Variants in THOC1 observed in about 807,000 individuals in gnomAD.
THOC1 encodes THO complex subunit 1, also known as THO complex 1.
Under a neutral mutation model 97.3 loss-of-function variants are expected in THOC1, and 29 were observed. The ratio of observed to expected loss-of-function variants is 0.30; its 90% CI spans 0.22 to 0.41. The LOEUF (loss-of-function observed/expected upper bound fraction) is 0.41, where lower values mean the gene tolerates loss of function less well. Ranked by LOEUF, THOC1 falls within the 10% of genes least tolerant of loss-of-function variation. The pLI is 1.00. For synonymous variants in THOC1, 255 were observed against 257.0 expected (o/e 0.99, Z 0.07); for missense variants, 529 against 761.9 (o/e 0.69, Z 3.60).
At chr18:260,383 A>C in intron 4 of THOC1, 79 bp from the exon 5 acceptor site, 1 of 922,244 alleles carries the variant, frequency 1.1e-6, no homozygotes, top group Non-Finnish European at 1.5e-6. Context: ...ATTCTGAAGA[A>C]TATCTTAAAA....
intron 17 of THOC1, among the ~76,000 whole-genome samples, chr18:222,080 C>T (rs1161613071): frequency 6.6e-6 from 1 of 151,898 alleles, no homozygotes; most frequent in Admixed American, 6.6e-5. Flanking sequence ...TTACTTTTAC[C>T]CCTCAATTTA....
rs1420342503 is a variant in THOC1 at position 254,308 on chromosome 18, T to A, written c.568A>T (p.Asn190Tyr). Reference sequence around the variant, plus strand: ...AGGGTGCTTTCCTGCTCATTTGTATTGAAAACAGTGACATTTTCCAGATTA... The same window carrying A: ...AGGGTGCTTTCCTGCTCATTTGTATAGAAAACAGTGACATTTTCCAGATTA... Reference protein sequence around the residue: ...QFNLENVTVFNTNEQESTLGQ... With the variant: ...QFNLENVTVFYTNEQESTLGQ... The change falls in exon 8 of 21, where the codon AAT becomes TAT. Residue 190 changes from asparagine (N) to tyrosine (Y), a missense_variant. Transcript: ENST00000261600. The surrounding 1 kb of genome is among the most constrained non-coding windows in gnomAD (Gnocchi z 4.1). 1 of 1,583,518 alleles carries A rather than the reference T, an allele frequency of 6.3e-7. No homozygotes were observed. The highest frequency in any genetic ancestry group is 8.6e-7 in the Non-Finnish European group (1 of 1,163,904).
At chr18:235,808 G>A (rs906418568) in intron 11 of THOC1, among the ~76,000 whole-genome samples, 1 of 152,126 alleles carries the variant, frequency 6.6e-6, no homozygotes, top group African/African-American at 2.4e-5. Flanking sequence ...TACACAAAAA[G>A]AAATATGTTG....
intron 11 of THOC1, among the ~76,000 whole-genome samples, chr18:240,399 G>C (rs553217314): frequency 7.2e-5 from 11 of 152,318 alleles, no homozygotes; most frequent in African/African-American, 2.6e-4. Flanking sequence ...AACAATGGCA[G>C]AGTATGCTCT....
At chr18:228,249 A>G (rs970647165) in intron 11 of THOC1, among the ~76,000 whole-genome samples, 14 of 151,980 alleles carry the variant, frequency 9.2e-5, no homozygotes, top group Admixed American at 5.2e-4. Context: ...TCACAATCCT[A>G]TCTCACCACA....
Position 221,695 on chromosome 18 carries a change from G to A in THOC1, c.1370+1745C>T, listed in dbSNP as rs371431255. On this transcript the variant is annotated intron_variant, in intron 17 of 20. Coordinates refer to ENST00000261600, the MANE Select transcript of THOC1 (RefSeq NM_005131.3). ...GCGATCTCGACTCACTGCAAGCTCC[G>A]CCTCCCAGGTTCACGCCATTCTCCT... Among the ~76,000 whole-genome samples, 80 of 140,210 alleles carry A rather than the reference G, an allele frequency of 5.7e-4. No individual in the cohort carries two copies. In the East Asian group the frequency reaches 7.1e-3, roughly 12 times the overall value. The allele number at this position is 140,210 out of a possible 152,430, so 92.0% of individuals were successfully genotyped here. A position where few individuals can be genotyped will look rare whatever the true frequency, so the allele number is the denominator to read the frequency against.
At chr18:230,854 G>A (rs1236463209) in intron 11 of THOC1, among the ~76,000 whole-genome samples, 8 of 152,110 alleles carry the variant, frequency 5.3e-5, no homozygotes, top group Admixed American at 3.9e-4. Context: ...TCTCGCCTCA[G>A]CCTCCTGAGT....
Position 215,375 on chromosome 18 carries a change from A to C in THOC1, c.1678+54T>G. ...AATTAAATAATGTACCTATCAACAA[A>C]GAACCCCAATCGTCTTCAATTTTGT... On this transcript the variant is annotated intron_variant, in intron 20 of 20. Coordinates refer to ENST00000261600, the MANE Select transcript of THOC1 (RefSeq NM_005131.3). The C allele has an allele frequency of 2.9e-6, 4 of 1,380,146 alleles. No individual in the cohort carries two copies. The South Asian group carries it at 4.7e-5, about 16-fold the overall frequency. The allele number at this position is 1,380,146 out of a possible 1,614,324, so 85.5% of individuals were successfully genotyped here.
In THOC1 at chr18:247,837, A is replaced by G. The variant is rs761124752; in HGVS notation, c.786+12T>C. ...ATACTGGGCTTCTGATAGTCTGTCA[A>G]TGGCAACTTACCTTGAGAAAAGTTT... On this transcript the variant is annotated intron_variant, in intron 10 of 20. Transcript: ENST00000261600. 4 of 1,543,420 alleles carry G rather than the reference A, an allele frequency of 2.6e-6. No homozygotes were observed. The highest frequency in any genetic ancestry group is 3.6e-6 in the Non-Finnish European group (4 of 1,120,426).
rs1273453385 is a variant in THOC1 at position 238,982 on chromosome 18, T to C, written c.918+7342A>G. On this transcript the variant is annotated intron_variant, in intron 11 of 20. Coordinates refer to ENST00000261600, the MANE Select transcript of THOC1 (RefSeq NM_005131.3). Reference sequence around the variant, plus strand: ...AATTTTAATAAACATAAGACTTTTCTACCTTTAAAAGGCTAAAATGAAACT... The same window carrying C: ...AATTTTAATAAACATAAGACTTTTCCACCTTTAAAAGGCTAAAATGAAACT... 2.0e-5 allele frequency among the ~76,000 whole-genome samples: 3 copies of C among 152,232 alleles called. No homozygotes were observed. In the East Asian group the frequency reaches 5.8e-4, roughly 29 times the overall value.
intron 11 of THOC1, among the ~76,000 whole-genome samples, chr18:239,330 A>T (rs1230999413): frequency 6.6e-6 from 1 of 152,212 alleles, no homozygotes; most frequent in Non-Finnish European, 1.5e-5. Context: ...TTTGAGACAG[A>T]GTCTCGCTCT....
chr18:235,448 T>C (rs1243424584), intron 11 of THOC1, among the ~76,000 whole-genome samples: 1 of 152,156 alleles, frequency 6.6e-6, no homozygotes, highest in Non-Finnish European at 1.5e-5. Context: ...TTCTTGACAT[T>C]TTTTCCATTA....
intron 4 of THOC1, among the ~76,000 whole-genome samples, chr18:261,606 A>G (rs1404434355): frequency 6.6e-6 from 1 of 152,222 alleles, no homozygotes; most frequent in Non-Finnish European, 1.5e-5. Context: ...GGGATGTTAC[A>G]GCAGAGAAGC....
rs1414988773 is a variant in THOC1, at chr18:225,364, A to G, written c.1059T>C (p.Ile353=). The change falls in exon 13 of 21, where the codon ATT becomes ATC. Residue 353 remains isoleucine, a synonymous_variant. Coordinates refer to ENST00000261600, the MANE Select transcript of THOC1 (RefSeq NM_005131.3). ...GATAAACTGATTTTGTAGTATCTTC[A>G]ATCCAAAGTGATTGCTCATCAGTTA... ...YVLTDEQSLW[I]EDTTKSVYQL... is the part of the protein sequence containing the mutation. The G allele has an allele frequency of 1.9e-6, 3 of 1,613,530 alleles. No homozygotes were observed. The highest frequency in any genetic ancestry group is 2.7e-5 in the African/African-American group (2 of 74,914).
At chr18:251,238 T>C (rs755277520) in intron 9 of THOC1, among the ~76,000 whole-genome samples, 29 of 152,308 alleles carry the variant, frequency 1.9e-4, no homozygotes, top group South Asian at 4.1e-4. Flanking sequence ...CTAGGAAGTA[T>C]TGGAGTTAAG....
At chr18:232,632 T>C (rs1044316657) in intron 11 of THOC1, among the ~76,000 whole-genome samples, 3 of 151,960 alleles carry the variant, frequency 2.0e-5, no homozygotes, top group Non-Finnish European at 2.9e-5. Context: ...GGGGGCCATA[T>C]TTAGGAACAA....
In THOC1 at chr18:218,932, C is replaced by A; in HGVS notation, c.1408G>T (p.Ala470Ser). ...TTTTCAGGGTCTGCCTGTTCAATGGCTTCTTCAAAGAATTCCTCCAAAGTG... is the reference window on the plus strand; with the variant it reads ...TTTTCAGGGTCTGCCTGTTCAATGGATTCTTCAAAGAATTCCTCCAAAGTG... ...MPTLEEFFEE[A>S]IEQADPENMV... The change falls in exon 18 of 21, where the codon GCC becomes TCC. Residue 470 changes from alanine to serine, a missense_variant. Physicochemically the swap from Ala to Ser is moderately conservative, Grantham distance 99. This residue lies in a region of THOC1 where 123 missense variants were observed against 159.0 expected (regional missense o/e 0.77). Transcript: ENST00000261600. The A allele has an allele frequency of 6.2e-7, 1 of 1,606,664 alleles. No individual in the cohort carries two copies. Among genetic ancestry groups the A allele is most frequent in the Non-Finnish European group, 8.5e-7 (1 of 1,175,960 alleles).
chr18:217,829 G>T (rs147703053), intron 18 of THOC1, among the ~76,000 whole-genome samples: 3 of 152,266 alleles, frequency 2.0e-5, no homozygotes, highest in African/African-American at 7.2e-5. Flanking sequence ...AGTAAAGTGT[G>T]AAGGTCCTGA....
Position 235,256 on chromosome 18 carries a change from T to C in THOC1, c.919-8355A>G, listed in dbSNP as rs552795308. ...ATTGTTTGCTGGTATCTTTTCATTTTCCTTGCACAAGCTCTGGATTTCTTT... is the reference window on the plus strand; with the variant it reads ...ATTGTTTGCTGGTATCTTTTCATTTCCCTTGCACAAGCTCTGGATTTCTTT... On this transcript the variant is annotated intron_variant, in intron 11 of 20. Coordinates refer to ENST00000261600, the MANE Select transcript of THOC1 (RefSeq NM_005131.3). Among the ~76,000 whole-genome samples, 17 of 152,282 alleles carry C rather than the reference T, an allele frequency of 1.1e-4. No individual in the cohort carries two copies. The East Asian group carries it at 3.3e-3, about 29-fold the overall frequency.
Sources: gnomAD v4.1 joint callset for allele counts (sites outside exome capture counted in the v4.1 genomes callset) on GRCh38, gnomAD v4.1.1 for gene constraint, gnomAD v4.1.1 regional missense constraint, Gnocchi (gnomAD v3.1) non-coding constraint, MANE v1.5 for transcripts, NCBI Gene and HGNC (gene_info 2026-07-23, HGNC 2026-07-21) for gene names.